Variants in SAMMSON observed in about 807,000 individuals in gnomAD.
SAMMSON encodes long intergenic non-protein coding RNA 1212.
At chr3:70,285,432 C>A (rs57165563) in intron 6 of SAMMSON, among the ~76,000 whole-genome samples, 9,700 of 152,028 alleles carry the variant, frequency 0.064, 879 homozygotes, top group East Asian at 0.48. Flanking sequence ...GTATATATGC[C>A]ACATTTTCTT....
At chr3:70,194,271 C>A (rs1701154725) in intron 4 of SAMMSON, among the ~76,000 whole-genome samples, 1 of 152,136 alleles carries the variant, frequency 6.6e-6, no homozygotes, top group African/African-American at 2.4e-5. Context: ...ACTCTGTTCC[C>A]TGAGAAGTCC....
At chr3:70,233,861 C>A (rs979714672) in intron 4 of SAMMSON, among the ~76,000 whole-genome samples, 4 of 152,076 alleles carry the variant, frequency 2.6e-5, no homozygotes, top group Admixed American at 2.6e-4. Context: ...CATGAATATA[C>A]CTTAATTCAG....
At chr3:70,018,276 A>G (rs1368153210) in intron 3 of SAMMSON, among the ~76,000 whole-genome samples, 2 of 152,198 alleles carry the variant, frequency 1.3e-5, no homozygotes, top group African/African-American at 4.8e-5. Context: ...TTATTGGTCT[A>G]TTCAGAGATT....
intron 4 of SAMMSON, among the ~76,000 whole-genome samples, chr3:70,201,827 G>T (rs1392245320): frequency 6.6e-6 from 1 of 152,168 alleles, no homozygotes; most frequent in Non-Finnish European, 1.5e-5. Flanking sequence ...GACTGGCAAA[G>T]ATCATTTTCC....
At chr3:70,026,104 T>C (rs1344578826) in intron 3 of SAMMSON, among the ~76,000 whole-genome samples, 4 of 152,232 alleles carry the variant, frequency 2.6e-5, no homozygotes, top group Non-Finnish European at 5.9e-5. Flanking sequence ...GAAAATCGTT[T>C]AATGACACAG....
At chr3:70,237,960 G>T (rs1424999859) in intron 4 of SAMMSON, among the ~76,000 whole-genome samples, 6 of 109,124 alleles carry the variant, frequency 5.5e-5, no homozygotes, top group African/African-American at 2.2e-4. Context: ...GAAGGGAAAA[G>T]AAACTAATTG....
intron 6 of SAMMSON, among the ~76,000 whole-genome samples, chr3:70,253,990 CA>C (rs1374601085): frequency 3.3e-5 from 5 of 151,642 alleles, no homozygotes; most frequent in African/African-American, 4.8e-5. Context: ...TCAGAAGATT[CA>C]AAAAAAGGGT....
intron 4 of SAMMSON, among the ~76,000 whole-genome samples, chr3:70,236,335 A>G (rs1434480716): frequency 6.6e-6 from 1 of 152,116 alleles, no homozygotes; most frequent in African/African-American, 2.4e-5. Context: ...CTTAATCCAT[A>G]TTGTTCACTC....
intron 4 of SAMMSON, among the ~76,000 whole-genome samples, chr3:70,113,022 C>T (rs1006025803): frequency 6.6e-6 from 1 of 152,042 alleles, no homozygotes; most frequent in African/African-American, 2.4e-5. Context: ...TATTTTAACG[C>T]TTTATAACAT....
intron 4 of SAMMSON, among the ~76,000 whole-genome samples, chr3:70,141,474 A>G (rs2067527291): frequency 6.6e-6 from 1 of 152,174 alleles, no homozygotes; most frequent in Non-Finnish European, 1.5e-5. Context: ...TGTTGATGAG[A>G]GTGATCTTTA....
At chr3:70,079,396 T>G (rs1319535245) in intron 4 of SAMMSON, among the ~76,000 whole-genome samples, 1 of 152,168 alleles carries the variant, frequency 6.6e-6, no homozygotes, top group African/African-American at 2.4e-5. Context: ...AACTGAACAC[T>G]TGCTGCCTCT....
At chr3:70,395,892 C>A (rs1485680377) in intron 2 of SAMMSON, among the ~76,000 whole-genome samples, 2 of 152,134 alleles carry the variant, frequency 1.3e-5, no homozygotes, top group African/African-American at 4.8e-5. Context: ...GGAAACCAGA[C>A]AACCTGGGTC....
chr3:70,425,384 A>G (rs1307149444), intron 2 of SAMMSON, among the ~76,000 whole-genome samples: 1 of 151,502 alleles, frequency 6.6e-6, no homozygotes, highest in African/African-American at 2.4e-5. Context: ...ACCTATTTCA[A>G]GTTGTCTATT....
chr3:70,285,108 C>T (rs1420043072), intron 6 of SAMMSON, among the ~76,000 whole-genome samples: 1 of 150,096 alleles, frequency 6.7e-6, no homozygotes, highest in Non-Finnish European at 1.5e-5. Context: ...GCACATTGTG[C>T]AGGTTAGTTA....
chr3:70,115,836 A>G (rs1408231615), intron 4 of SAMMSON, among the ~76,000 whole-genome samples: 1 of 152,166 alleles, frequency 6.6e-6, no homozygotes, highest in Non-Finnish European at 1.5e-5. Flanking sequence ...ATAATATTCA[A>G]AAGAAATCAC....
intron 4 of SAMMSON, among the ~76,000 whole-genome samples, chr3:70,157,806 A>G (rs1041468282): frequency 2.6e-5 from 4 of 152,080 alleles, no homozygotes; most frequent in African/African-American, 9.7e-5. Context: ...AATGCCATTT[A>G]TTGACCCAAT....
chr3:70,271,044 AAATAT>A (rs1701971861), intron 6 of SAMMSON, among the ~76,000 whole-genome samples: 1 of 152,204 alleles, frequency 6.6e-6, no homozygotes, highest in Non-Finnish European at 1.5e-5. Flanking sequence ...AATAAAAAAG[AAATAT>A]TGAAAATAAA....
intron 6 of SAMMSON, among the ~76,000 whole-genome samples, chr3:70,282,956 G>T (rs1318698654): frequency 6.6e-6 from 1 of 152,204 alleles, no homozygotes; most frequent in East Asian, 1.9e-4. Context: ...ACCATTGAGT[G>T]TCCAGGCAGG....
chr3:70,115,278 G>A (rs1387905022), intron 4 of SAMMSON, among the ~76,000 whole-genome samples: 1 of 150,844 alleles, frequency 6.6e-6, no homozygotes. Context: ...AAGCTTTCTA[G>A]TAATTGGCTG....
Sources: gnomAD v4.1 joint callset for allele counts (sites outside exome capture counted in the v4.1 genomes callset) on GRCh38, gnomAD v4.1.1 for gene constraint, MANE v1.5 for transcripts, NCBI Gene and HGNC (gene_info 2026-07-23, HGNC 2026-07-21) for gene names.